The following RPS6KA2 variants were observed in gnomAD, a reference collection of about 807,000 sequenced individuals.
The protein encoded by RPS6KA2 is ribosomal protein S6 kinase alpha-2.
A neutral mutation model predicts 91.8 loss-of-function variants in RPS6KA2; 42 were observed. That is an observed-to-expected ratio of 0.46 (90% confidence interval 0.36 to 0.59). The LOEUF (loss-of-function observed/expected upper bound fraction) is 0.59. Ranked by LOEUF, RPS6KA2 falls within the 20% of genes least tolerant of loss-of-function variation. The probability of loss-of-function intolerance (pLI) is 0.00; values close to 1 mark genes in which losing one functional copy is unlikely to be tolerated. For synonymous variants in RPS6KA2, 414 were observed against 393.6 expected, an observed-to-expected ratio of 1.05 and a Z score of -0.61; for missense variants, 798 against 978.5, an observed-to-expected ratio of 0.82 and a Z score of 2.46.
chr6:166,544,649 C>T (rs1255818620), intron 1 of RPS6KA2: 1 of 152,208 alleles, frequency 6.6e-6, no homozygotes, highest in African/African-American at 2.4e-5. Flanking sequence ...ACCCATGCTC[C>T]TGGCAAAGCT....
intron 2 of RPS6KA2, chr6:166,702,258 G>C: frequency 2.5e-6 from 4 of 1,613,170 alleles, no homozygotes; most frequent in Non-Finnish European, 3.4e-6. Context: ...CATGGTTTCT[G>C]CTTGGACACG....
rs142343106 is a variant in RPS6KA2 at position 166,680,263 on chromosome 6, G to A, written c.124-141479C>T. 1.4e-3 allele frequency among the ~76,000 whole-genome samples: 209 copies of A among 152,292 alleles called. 1 individual carries two copies. Among genetic ancestry groups the A allele is most frequent in the Admixed American group, 3.6e-3 (55 of 15,302 alleles). On this transcript the variant is annotated intron_variant, in intron 2 of 21. Transcript: ENST00000503859. ...GCACTCTGTGTCTAGCTAAAGGTTC[G>A]TAAACACACCAATCAGCACTCTGTC...
At chr6:166,600,241 G>A (rs948380349) in intron 1 of RPS6KA2, among the ~76,000 whole-genome samples, 1 of 152,190 alleles carries the variant, frequency 6.6e-6, no homozygotes, top group Non-Finnish European at 1.5e-5. Context: ...AGGAGCTCAC[G>A]TGATCTTCTG....
rs529226500 is a variant in RPS6KA2, at chr6:166,605,693, G to A, written c.99+21228C>T. On this transcript the variant is annotated intron_variant, in intron 1 of 20. Coordinates refer to ENST00000265678, the MANE Select transcript of RPS6KA2 (RefSeq NM_021135.6). Reference sequence around the variant, plus strand: ...GCATTTTAGATAGAAATGCACTCACGCACACACACAAGCACAGATACACCT... The same window carrying A: ...GCATTTTAGATAGAAATGCACTCACACACACACACAAGCACAGATACACCT... Among the ~76,000 whole-genome samples the A allele has an allele frequency of 4.6e-5, 7 of 152,238 alleles. No homozygotes were observed. The East Asian group carries it at 7.7e-4, about 17-fold the overall frequency.
chr6:166,636,435 C>T (rs1265877886), intron 2 of RPS6KA2, among the ~76,000 whole-genome samples: 2 of 151,744 alleles, frequency 1.3e-5, no homozygotes, highest in Non-Finnish European at 2.9e-5. Flanking sequence ...CAGACAGGGC[C>T]TCTCTCCACT....
chr6:166,427,286 T>C (rs1177591307), intron 16 of RPS6KA2, among the ~76,000 whole-genome samples: 6 of 152,140 alleles, frequency 3.9e-5, no homozygotes, highest in Non-Finnish European at 1.5e-5. Context: ...AAATTAGGTA[T>C]TGATGGGACG....
rs1279326935 is a variant in RPS6KA2, at chr6:166,635,321, C to T, written c.124-96537G>A. 2.0e-5 allele frequency among the ~76,000 whole-genome samples: 3 copies of T among 152,304 alleles called. No individual in the cohort carries two copies. The highest frequency in any genetic ancestry group is 1.9e-4 in the East Asian group (1 of 5,172). On this transcript the variant is annotated intron_variant, in intron 2 of 21. Coordinates refer to the RPS6KA2 transcript ENST00000503859. This position sits in a 1 kb window ranked among gnomAD's most constrained non-coding sequence, Gnocchi z 4.8. The stretch of plus-strand genomic sequence containing the variant: ...GGCTGGGCACAGCAGGGACTCCTGC[C>T]CTGACGGGCACTGCAGTCTCTGGGG...
intron 2 of RPS6KA2, among the ~76,000 whole-genome samples, chr6:166,707,256 CA>C (rs1789708259): frequency 6.6e-6 from 1 of 152,238 alleles, no homozygotes; most frequent in Admixed American, 6.5e-5. Context: ...GGCAGCCCGG[CA>C]GCCACGCAGC....
intron 2 of RPS6KA2, among the ~76,000 whole-genome samples, chr6:166,534,209 G>A (rs1459240503): frequency 4.1e-5 from 5 of 121,380 alleles, no homozygotes; most frequent in Non-Finnish European, 8.0e-5. Flanking sequence ...GCGAAACAGC[G>A]AGACTCTGTC....
At chr6:166,649,588 G>T (rs180921375) in intron 2 of RPS6KA2, among the ~76,000 whole-genome samples, 1 of 152,074 alleles carries the variant, frequency 6.6e-6, no homozygotes, top group African/African-American at 2.4e-5. Context: ...GTCTTTTAGG[G>T]GTAATGAAGA....
At chr6:166,561,028 T>G (rs1043743874) in intron 1 of RPS6KA2, among the ~76,000 whole-genome samples, 2 of 152,144 alleles carry the variant, frequency 1.3e-5, no homozygotes, top group Non-Finnish European at 2.9e-5. Context: ...TTTGCAAGTA[T>G]TGATCAGAGA....
chr6:166,504,270 ATGAGTGTCAGG>A (rs558365879), intron 6 of RPS6KA2, among the ~76,000 whole-genome samples: 61 of 152,336 alleles, frequency 4.0e-4, no homozygotes, highest in African/African-American at 1.1e-3. Context: ...CTCAGGCGTT[ATGAGTGTCAGG>A]TGAGAATGGG....
intron 1 of RPS6KA2, among the ~76,000 whole-genome samples, chr6:166,553,178 G>A (rs1339707621): frequency 2.6e-5 from 4 of 152,174 alleles, no homozygotes; most frequent in Admixed American, 1.3e-4. Context: ...GAGTGCAGTG[G>A]TGCAAACACC....
chr6:166,626,120 C>T lies in RPS6KA2; in HGVS notation c.99+801G>A, dbSNP rs1786863382. 6.6e-6 allele frequency among the ~76,000 whole-genome samples: 1 copy of T among 152,234 alleles called. No individual in the cohort carries two copies. Among genetic ancestry groups the T allele is most frequent in the African/African-American group, 2.4e-5 (1 of 41,458 alleles). ...CATCACCATGTCTTTTTCACTTAAA[C>T]ACGTTTCACTGTTTTGTCATCTATA... On this transcript the variant is annotated intron_variant, in intron 1 of 20. Coordinates refer to ENST00000265678, the MANE Select transcript of RPS6KA2 (RefSeq NM_021135.6). This position sits in a 1 kb window ranked among gnomAD's most constrained non-coding sequence, Gnocchi z 4.1.
At chr6:166,465,086 C>T (rs1780470250) in intron 11 of RPS6KA2, among the ~76,000 whole-genome samples, 1 of 152,184 alleles carries the variant, frequency 6.6e-6, no homozygotes, top group African/African-American at 2.4e-5. Flanking sequence ...AATATTTTCC[C>T]AGTTGGATCC....
At chr6:166,499,326 C>T (rs1423214638) in intron 7 of RPS6KA2, among the ~76,000 whole-genome samples, 1 of 152,206 alleles carries the variant, frequency 6.6e-6, no homozygotes, top group Non-Finnish European at 1.5e-5. Context: ...GCAGGCCCAG[C>T]CAGTGGGTAG....
intron 8 of RPS6KA2, among the ~76,000 whole-genome samples, chr6:166,497,328 G>C (rs553989297): frequency 5.3e-5 from 8 of 152,246 alleles, no homozygotes; most frequent in South Asian, 4.1e-4. Flanking sequence ...TGAACTGCAC[G>C]ACTGTCTGTG....
rs951888649 is a variant in RPS6KA2 at position 166,437,168 on chromosome 6, G to A, written c.1333-4678C>T. On this transcript the variant is annotated intron_variant, in intron 14 of 20. Transcript: ENST00000265678. This position sits in a 1 kb window ranked among gnomAD's most constrained non-coding sequence, Gnocchi z 4.3. ...GGAGTACATGACCTGGATCTGCTGC[G>A]GGCAGCCGGGGTTTGGACACACTGT... Among the ~76,000 whole-genome samples the A allele has an allele frequency of 1.3e-5, 2 of 152,044 alleles. No individual in the cohort carries two copies. Among genetic ancestry groups the A allele is most frequent in the Non-Finnish European group, 2.9e-5 (2 of 68,018 alleles).
intron 11 of RPS6KA2, among the ~76,000 whole-genome samples, chr6:166,461,942 C>T (rs996734992): frequency 6.6e-6 from 1 of 152,350 alleles, no homozygotes; most frequent in East Asian, 1.9e-4. Flanking sequence ...TTTGCCCCCA[C>T]TGGGACATTT....
Sources: allele counts gnomAD v4.1 joint callset (sites outside exome capture counted in the v4.1 genomes callset), GRCh38; gene constraint gnomAD v4.1.1; non-coding constraint Gnocchi (gnomAD v3.1); transcripts MANE v1.5; gene names NCBI Gene and HGNC (gene_info 2026-07-23, HGNC 2026-07-21).